The following TRPM3 variants were observed in gnomAD, a reference collection of about 807,000 sequenced individuals.
TRPM3 encodes the protein transient receptor potential cation channel subfamily M member 3, also known as long transient receptor potential channel 3.
In TRPM3, 77 loss-of-function variants were observed where a neutral mutation model predicts 181.2. The ratio of observed to expected loss-of-function variants is 0.42; its 90% CI spans 0.35 to 0.51. The LOEUF is 0.51. Ranked by LOEUF, TRPM3 falls within the 20% of genes least tolerant of loss-of-function variation. TRPM3 has a pLI of 0.01. For synonymous variants in TRPM3, 745 were observed against 796.4 expected (o/e 0.94, Z 1.09); for missense variants, 1,759 against 2,196.7 (o/e 0.80, Z 3.98).
intron 1 of TRPM3, among the ~76,000 whole-genome samples, chr9:71,425,901 G>C (rs2093854508): frequency 6.6e-6 from 1 of 151,864 alleles, no homozygotes; most frequent in African/African-American, 2.4e-5. Flanking sequence ...CTTTACTGTT[G>C]AAGAGAGTTT....
intron 1 of TRPM3, among the ~76,000 whole-genome samples, chr9:71,266,720 T>C (rs2083419355): frequency 6.6e-6 from 1 of 152,162 alleles, no homozygotes; most frequent in Non-Finnish European, 1.5e-5. Flanking sequence ...CTAGAGCTTA[T>C]CCATCTGGCT....
At chr9:70,553,560 G>T (rs965031271) in intron 22 of TRPM3, among the ~76,000 whole-genome samples, 3 of 152,158 alleles carry the variant, frequency 2.0e-5, no homozygotes, top group African/African-American at 7.2e-5. Flanking sequence ...AGAGGGGGGT[G>T]GAGCCACCTT....
chr9:70,642,868 G>C (rs1290481258), intron 9 of TRPM3, among the ~76,000 whole-genome samples: 1 of 152,158 alleles, frequency 6.6e-6, no homozygotes, highest in African/African-American at 2.4e-5. Flanking sequence ...CTCTTGGGTG[G>C]AGCCTAAGGT....
At chr9:71,215,933 G>A (rs539417897) in intron 1 of TRPM3, among the ~76,000 whole-genome samples, 96 of 152,282 alleles carry the variant, frequency 6.3e-4, no homozygotes, top group African/African-American at 2.1e-3. Context: ...GCCCCTGGTC[G>A]GCTCACAGCA....
intron 3 of TRPM3, among the ~76,000 whole-genome samples, chr9:70,857,009 G>C (rs1435266933): frequency 1.3e-5 from 2 of 152,166 alleles, no homozygotes; most frequent in Admixed American, 1.3e-4. Flanking sequence ...TTTGAGACAT[G>C]ATACTATGTT....
chr9:71,420,991 G>GAGAGAAAAAGAGAGAGAAAA (rs1563912582), intron 1 of TRPM3, among the ~76,000 whole-genome samples: 1 of 127,304 alleles, frequency 7.9e-6, no homozygotes, highest in Non-Finnish European at 1.8e-5. Flanking sequence ...GAGAAAAAGA[G>GAGAGAAAAAGAGAGAGAAAA]AGAGAAAAAG....
intron 1 of TRPM3, among the ~76,000 whole-genome samples, chr9:70,939,738 T>C (rs984746591): frequency 6.6e-6 from 1 of 152,218 alleles, no homozygotes; most frequent in Non-Finnish European, 1.5e-5. Context: ...GCTACAGCTT[T>C]TTCCAAGCAT....
In TRPM3 at chr9:70,535,994, T is replaced by C. The variant is rs1329430128; in HGVS notation, c.5119A>G (p.Arg1707Gly). ...TCAAAGCTTTGGAAAGCCGATGTTC[T>C]GGACAGTCTCCTCATGGACAGGCTG... ...GDSLSMRRLS[R>G]TSAFQSFESK... Residue 1707 changes from arginine to glycine, a missense_variant, in exon 26 of 26, where the codon AGA (arginine) becomes GGA (glycine). Physicochemically the swap from Arg to Gly is moderately radical, Grantham distance 125. Coordinates refer to ENST00000677713, the MANE Select transcript of TRPM3 (RefSeq NM_001366145.2). 2 of 1,612,668 alleles carry C rather than the reference T, an allele frequency of 1.2e-6. No homozygotes were observed. Among genetic ancestry groups the C allele is most frequent in the African/African-American group, 2.7e-5 (2 of 74,902 alleles).
At chr9:70,544,302 T>C (rs566823881) in intron 25 of TRPM3, among the ~76,000 whole-genome samples, 7 of 152,312 alleles carry the variant, frequency 4.6e-5, no homozygotes, top group African/African-American at 1.4e-4. Context: ...AAACAGACGG[T>C]ATTTTTTGAT....
At chr9:71,053,826 A>G (rs2060339826) in intron 1 of TRPM3, among the ~76,000 whole-genome samples, 1 of 152,080 alleles carries the variant, frequency 6.6e-6, no homozygotes, top group South Asian at 2.1e-4. Context: ...GGCTAGCAGC[A>G]TGAGCATCAT....
chr9:70,622,839 ATC>A (rs1006040443), intron 14 of TRPM3, among the ~76,000 whole-genome samples: 2 of 151,534 alleles, frequency 1.3e-5, no homozygotes, highest in African/African-American at 4.8e-5. Context: ...CTCAAACCGA[ATC>A]TCTCTCTCTC....
intron 1 of TRPM3, among the ~76,000 whole-genome samples, chr9:71,321,390 T>C (rs1036817895): frequency 3.3e-5 from 5 of 152,182 alleles, no homozygotes; most frequent in African/African-American, 7.2e-5. Context: ...GCAACCAAAG[T>C]GATTGTCCTA....
At chr9:71,337,409 T>C (rs528244820) in intron 1 of TRPM3, among the ~76,000 whole-genome samples, 1 of 152,196 alleles carries the variant, frequency 6.6e-6, no homozygotes, top group African/African-American at 2.4e-5. Context: ...TGGCAATCAT[T>C]AAAAAGTCAG....
intron 1 of TRPM3, among the ~76,000 whole-genome samples, chr9:70,931,940 T>C (rs2096779101): frequency 6.6e-6 from 1 of 152,200 alleles, no homozygotes; most frequent in African/African-American, 2.4e-5. Flanking sequence ...TCTTGGCTGT[T>C]CAAAACACAT....
intron 1 of TRPM3, among the ~76,000 whole-genome samples, chr9:70,949,850 G>A (rs1368424404): frequency 6.6e-6 from 1 of 152,138 alleles, no homozygotes; most frequent in Non-Finnish European, 1.5e-5. Context: ...TTCTTTTCTA[G>A]TGGTGGAAAT....
At chr9:71,160,085 G>A (rs1259587084) in intron 1 of TRPM3, among the ~76,000 whole-genome samples, 1 of 152,008 alleles carries the variant, frequency 6.6e-6, no homozygotes, top group Non-Finnish European at 1.5e-5. Flanking sequence ...TACCTATTCA[G>A]CTCTAGTTAT....
At chr9:70,583,635 C>A (rs1376237122) in intron 22 of TRPM3, among the ~76,000 whole-genome samples, 1 of 152,222 alleles carries the variant, frequency 6.6e-6, no homozygotes, top group Non-Finnish European at 1.5e-5. Flanking sequence ...TCTAGCATCA[C>A]AAGCCATTGC....
At chr9:71,180,701 C>G (rs769390137) in intron 1 of TRPM3, among the ~76,000 whole-genome samples, 1 of 152,084 alleles carries the variant, frequency 6.6e-6, no homozygotes, top group Non-Finnish European at 1.5e-5. Context: ...ATTCTTAATA[C>G]TTTTTACTAA....
chr9:71,224,355 T>G (rs181386504), intron 1 of TRPM3, among the ~76,000 whole-genome samples: 124 of 152,356 alleles, frequency 8.1e-4, no homozygotes, highest in African/African-American at 2.9e-3. Context: ...TGCCCCCTAA[T>G]GCAGATATAG....
Sources: allele counts gnomAD v4.1 joint callset (sites outside exome capture counted in the v4.1 genomes callset), GRCh38; gene constraint gnomAD v4.1.1; transcripts MANE v1.5; gene names NCBI Gene and HGNC (gene_info 2026-07-23, HGNC 2026-07-21).